The following RSBN1L variants were observed in gnomAD, a reference collection of about 807,000 sequenced individuals.
RSBN1L encodes the protein lysine-specific demethylase RSBN1L.
Under a neutral mutation model 67.7 loss-of-function variants are expected in RSBN1L, and 30 were observed. The ratio of observed to expected loss-of-function variants is 0.44; its 90% CI spans 0.33 to 0.60. The LOEUF (loss-of-function observed/expected upper bound fraction) is 0.60, where lower values mean the gene tolerates loss of function less well. RSBN1L is among the 20% of genes least tolerant of loss of function. The probability of loss-of-function intolerance (pLI) is 0.02; values close to 1 mark genes in which losing one functional copy is unlikely to be tolerated. For missense variants in RSBN1L, 992 were observed against 1,031.7 expected (o/e 0.96, Z 0.53); for synonymous variants, 433 against 387.0 (o/e 1.12, Z -1.39).
At chr7:77,725,948 C>T (rs190359857) in intron 1 of RSBN1L, among the ~76,000 whole-genome samples, 1,945 of 147,006 alleles carry the variant, frequency 0.013, 48 homozygotes, top group African/African-American at 0.045. Context: ...CTGTAACCTG[C>T]TTTTTTTTTT....
intron 6 of RSBN1L, among the ~76,000 whole-genome samples, chr7:77,777,828 TCAGCAAA>T (rs1791936985): frequency 6.6e-6 from 1 of 152,122 alleles, no homozygotes; most frequent in Non-Finnish European, 1.5e-5. Flanking sequence ...ATGAGTAACC[TCAGCAAA>T]TACCAAGTTT....
intron 1 of RSBN1L, among the ~76,000 whole-genome samples, chr7:77,724,816 A>G (rs945287995): frequency 4.6e-5 from 7 of 151,138 alleles, no homozygotes; most frequent in Admixed American, 1.3e-4. Flanking sequence ...CCCTAGGGGT[A>G]AGCCCCCTAT....
At position 77,746,673 on chromosome 7, in the gene RSBN1L, A is replaced by G. The variant is rs142639965; in HGVS notation, c.704-2751A>G. 1.2e-4 allele frequency among the ~76,000 whole-genome samples: 18 copies of G among 152,330 alleles called. No individual in the cohort carries two copies. The East Asian group carries it at 3.3e-3, about 28-fold the overall frequency. On this transcript the variant is annotated intron_variant, in intron 2 of 7. Coordinates refer to ENST00000334955, the MANE Select transcript of RSBN1L (RefSeq NM_198467.3). The stretch of plus-strand genomic sequence containing the variant: ...CAAAGTCCAAAGTCTCATTTGAGAC[A>G]AGGCCAAGTCTCTTTCACCTATGAG...
Position 77,778,849 on chromosome 7 carries a change from A to T in RSBN1L, c.2222A>T (p.Asp741Val). The T allele has an allele frequency of 1.9e-6, 3 of 1,614,070 alleles. No individual in the cohort carries two copies. Among genetic ancestry groups the T allele is most frequent in the African/African-American group, 1.3e-5 (1 of 75,052 alleles). ...SKASLDSVFSDKLHSKYELQQ... is the reference protein window; with the variant it reads ...SKASLDSVFSVKLHSKYELQQ... ...GCCTCCTTGGATTCTGTTTTTTCAGATAAACTTCATTCTAAATATGAATTA... is the reference window on the plus strand; with the variant it reads ...GCCTCCTTGGATTCTGTTTTTTCAGTTAAACTTCATTCTAAATATGAATTA... Residue 741 changes from aspartate (D) to valine (V), a missense_variant, in exon 8 of 8, where the codon GAT becomes GTT. Around this residue, in one of 7 missense-constraint regions of RSBN1L, gnomAD observed 199 missense variants for 167.7 expected, o/e 1.19. Coordinates refer to ENST00000334955, the MANE Select transcript of RSBN1L (RefSeq NM_198467.3).
intron 3 of RSBN1L, among the ~76,000 whole-genome samples, chr7:77,762,951 C>G (rs1025667929): frequency 1.3e-5 from 2 of 152,046 alleles, no homozygotes; most frequent in African/African-American, 4.8e-5. Flanking sequence ...ATCCCCTCCG[C>G]ACAAGATAAA....
rs528089778 is a variant in RSBN1L, at chr7:77,776,458, A to G, written c.1794-1880A>G. ...TCCATCCTGCCAGCCCTAGGCAAGC[A>G]CTAATTTACTTTCTGTCTGTAGGTA... On this transcript the variant is annotated intron_variant, in intron 6 of 7. Transcript: ENST00000334955. 2.0e-5 allele frequency among the ~76,000 whole-genome samples: 3 copies of G among 152,288 alleles called. No individual in the cohort carries two copies. The South Asian group carries it at 6.2e-4, about 32-fold the overall frequency.
At chr7:77,719,413 C>T (rs1355958340) in intron 1 of RSBN1L, among the ~76,000 whole-genome samples, 4 of 152,116 alleles carry the variant, frequency 2.6e-5, no homozygotes, top group Non-Finnish European at 5.9e-5. Context: ...TTACCATTTG[C>T]ATTACAGAGT....
intron 1 of RSBN1L, chr7:77,697,293 C>T (rs1584269265): frequency 1.1e-5 from 4 of 380,554 alleles, no homozygotes; most frequent in Middle Eastern, 7.0e-4. Flanking sequence ...ATCGTTTCTT[C>T]CTCCCAGTTA....
intron 6 of RSBN1L, 172 bp downstream of exon 6, chr7:77,773,486 TG>T (rs1346816762): frequency 9.0e-5 from 40 of 445,722 alleles, no homozygotes; most frequent in African/African-American, 5.8e-4. Flanking sequence ...AGAATCTGGC[TG>T]GGTGGGGTGG....
intron 1 of RSBN1L, among the ~76,000 whole-genome samples, chr7:77,706,814 A>T (rs1377376545): frequency 1.1e-4 from 17 of 152,162 alleles, no homozygotes; most frequent in Admixed American, 1.1e-3. Context: ...GTAGATAAAG[A>T]TTGATTGTAG....
rs1161386013 is a variant in RSBN1L, at chr7:77,731,435, C to T, written c.587-4975C>T. On this transcript the variant is annotated intron_variant, in intron 1 of 7. Coordinates refer to ENST00000334955, the MANE Select transcript of RSBN1L (RefSeq NM_198467.3). Reference sequence around the variant, plus strand: ...ACTTTTAGTAGAGACAGGGTTTCATCATGTTGCCCAGGCTGGTCTTGAACT... The same window carrying T: ...ACTTTTAGTAGAGACAGGGTTTCATTATGTTGCCCAGGCTGGTCTTGAACT... Among the ~76,000 whole-genome samples, 3 of 152,226 alleles carry T rather than the reference C, an allele frequency of 2.0e-5. No homozygotes were observed. In the East Asian group the frequency reaches 5.8e-4, roughly 29 times the overall value.
At chr7:77,765,966 T>C (rs1345732929) in intron 4 of RSBN1L, among the ~76,000 whole-genome samples, 1 of 152,144 alleles carries the variant, frequency 6.6e-6, no homozygotes, top group Non-Finnish European at 1.5e-5. Flanking sequence ...AACTAAGTAC[T>C]AAAGGACTTA....
chr7:77,743,304 C>T (rs545388622), intron 2 of RSBN1L, among the ~76,000 whole-genome samples: 1 of 152,046 alleles, frequency 6.6e-6, no homozygotes, highest in South Asian at 2.1e-4. Flanking sequence ...GATGCTCAGT[C>T]TAAGAATCTC....
intron 1 of RSBN1L, among the ~76,000 whole-genome samples, chr7:77,712,770 T>C (rs1470916990): frequency 6.6e-6 from 1 of 151,208 alleles, no homozygotes; most frequent in East Asian, 1.9e-4. Flanking sequence ...GATACTGTAT[T>C]GTGGGACATT....
chr7:77,706,866 A>G (rs533107347), intron 1 of RSBN1L, among the ~76,000 whole-genome samples: 51 of 152,324 alleles, frequency 3.3e-4, no homozygotes, highest in Middle Eastern at 3.4e-3. Context: ...TATTGGCAAC[A>G]TGGCCAAAAA....
chr7:77,747,262 G>A (rs1396113550), intron 2 of RSBN1L, among the ~76,000 whole-genome samples: 1 of 152,212 alleles, frequency 6.6e-6, no homozygotes, highest in East Asian at 1.9e-4. Flanking sequence ...AGAAATTTGT[G>A]TAAATAACTG....
intron 1 of RSBN1L, among the ~76,000 whole-genome samples, chr7:77,700,878 C>T (rs746511148): frequency 2.0e-5 from 3 of 151,886 alleles, no homozygotes; most frequent in Admixed American, 6.6e-5. Flanking sequence ...CTTCTGGGGC[C>T]GGGCGCGGTG....
chr7:77,733,972 C>A (rs914376147), intron 1 of RSBN1L, among the ~76,000 whole-genome samples: 2 of 152,128 alleles, frequency 1.3e-5, no homozygotes, highest in African/African-American at 4.8e-5. Flanking sequence ...ACTAAAAATA[C>A]AAAAATTAGC....
At chr7:77,701,914 A>G (rs1450744697) in intron 1 of RSBN1L, among the ~76,000 whole-genome samples, 1 of 151,856 alleles carries the variant, frequency 6.6e-6, no homozygotes, top group East Asian at 1.9e-4. Flanking sequence ...TGGCCTCCCA[A>G]AGTGCTGGGG....
Sources: allele counts gnomAD v4.1 joint callset (sites outside exome capture counted in the v4.1 genomes callset), GRCh38; gene constraint gnomAD v4.1.1; regional missense constraint gnomAD v4.1.1; transcripts MANE v1.5; gene names NCBI Gene and HGNC (gene_info 2026-07-23, HGNC 2026-07-21).